The following PACSIN2 variants were observed in gnomAD, a reference collection of about 807,000 sequenced individuals.
The protein encoded by PACSIN2 is protein kinase C and casein kinase substrate in neurons protein 2.
PACSIN2 carries 25 observed loss-of-function variants against 63.8 expected under a neutral mutation model. The ratio of observed to expected loss-of-function variants is 0.39; its 90% CI spans 0.29 to 0.55. The LOEUF is 0.55. Among genes scored for constraint, PACSIN2 ranks in the 20% least tolerant of loss-of-function variants. PACSIN2 has a pLI of 0.62. For synonymous variants in PACSIN2, 255 were observed against 256.2 expected, an observed-to-expected ratio of 1.00 and a Z score of 0.05; for missense variants, 518 against 646.9, an observed-to-expected ratio of 0.80 and a Z score of 2.16.
chr22:42,879,002 C>G (rs1015334099), intron 8 of PACSIN2, 46 bp downstream of exon 8: 1 of 1,590,078 alleles, frequency 6.3e-7, no homozygotes, highest in African/African-American at 1.3e-5. Flanking sequence ...GCCCAGGGCC[C>G]CCACCATGGA....
chr22:42,949,468 G>A (rs866127540), intron 1 of PACSIN2, among the ~76,000 whole-genome samples: 4 of 150,756 alleles, frequency 2.7e-5, no homozygotes, highest in Admixed American at 1.3e-4. Context: ...GCGCGCGCAC[G>A]CACACACACA....
At chr22:42,944,191 G>A (rs1933303912) in intron 1 of PACSIN2, among the ~76,000 whole-genome samples, 2 of 152,142 alleles carry the variant, frequency 1.3e-5, no homozygotes, top group Admixed American at 6.6e-5. Flanking sequence ...TAATCAGCCT[G>A]GCCTGAGGGA....
Position 42,983,059 on chromosome 22 carries a change from G to A in PACSIN2, c.-78+31962C>T, listed in dbSNP as rs552934957. Among the ~76,000 whole-genome samples, 11 of 151,730 alleles carry A rather than the reference G, an allele frequency of 7.2e-5. 1 individual carries two copies. In the South Asian group the frequency reaches 2.1e-3, roughly 29 times the overall value. On this transcript the variant is annotated intron_variant, in intron 1 of 10. Transcript: ENST00000263246. ...AGGCCGGGCACAGTGGCTTACAACT[G>A]TAATTCCAGCACTTTGGGAAGCTGA...
intron 1 of PACSIN2, among the ~76,000 whole-genome samples, chr22:42,979,267 C>A (rs763089240): frequency 1.3e-5 from 2 of 152,064 alleles, no homozygotes; most frequent in Non-Finnish European, 2.9e-5. Flanking sequence ...CTCATGCCTG[C>A]AATCTCAGCA....
intron 1 of PACSIN2, among the ~76,000 whole-genome samples, chr22:42,977,726 G>A (rs1047633349): frequency 2.0e-5 from 3 of 152,070 alleles, no homozygotes; most frequent in African/African-American, 4.8e-5. Flanking sequence ...CTATTCTCAT[G>A]ACAGTAAGTG....
chr22:42,971,331 C>T (rs1921249172), intron 1 of PACSIN2, among the ~76,000 whole-genome samples: 1 of 152,186 alleles, frequency 6.6e-6, no homozygotes, highest in African/African-American at 2.4e-5. Context: ...AAGTGATCTG[C>T]CCGCCTCAGC....
chr22:42,990,387 A>G (rs1234217967), intron 1 of PACSIN2, among the ~76,000 whole-genome samples: 1 of 152,156 alleles, frequency 6.6e-6, no homozygotes, highest in East Asian at 1.9e-4. Context: ...TTCAGAGCTA[A>G]GAACTGCACA....
Position 42,870,038 on chromosome 22 carries a change from C to G in PACSIN2, c.*1319G>C, listed in dbSNP as rs915833778. Reference sequence around the variant, plus strand: ...AACACAGGTTCCCCCACGTTCCCCCCACCCCCGCCGGCCCGCGTGGCCCCC... The same window carrying G: ...AACACAGGTTCCCCCACGTTCCCCCGACCCCCGCCGGCCCGCGTGGCCCCC... On this transcript the variant is annotated 3_prime_UTR_variant, in exon 11 of 11. Coordinates refer to ENST00000263246, the MANE Select transcript of PACSIN2 (RefSeq NM_001184970.3). 1 of 152,146 alleles carries G rather than the reference C, an allele frequency of 6.6e-6. No homozygotes were observed. The highest frequency in any genetic ancestry group is 1.5e-5 in the Non-Finnish European group (1 of 68,038). The allele number at this position is 152,146 out of a possible 1,614,324, so 9.4% of individuals were successfully genotyped here.
intron 1 of PACSIN2, among the ~76,000 whole-genome samples, chr22:43,006,590 G>A (rs759083779): frequency 2.0e-5 from 3 of 152,174 alleles, no homozygotes; most frequent in African/African-American, 2.4e-5. Flanking sequence ...AGAGGCAGGC[G>A]GGCCGTTTGA....
chr22:42,970,640 C>A (rs1268595857), intron 1 of PACSIN2, among the ~76,000 whole-genome samples: 2 of 152,082 alleles, frequency 1.3e-5, no homozygotes, highest in Admixed American at 6.5e-5. Context: ...TTCATTACGT[C>A]CTTTGCAAAA....
intron 2 of PACSIN2, among the ~76,000 whole-genome samples, chr22:42,895,729 G>C (rs1433146056): frequency 6.6e-6 from 1 of 152,378 alleles, no homozygotes; most frequent in East Asian, 1.9e-4. Flanking sequence ...AGAGGCTGCA[G>C]AGGAGCCTGT....
intron 1 of PACSIN2, among the ~76,000 whole-genome samples, chr22:42,912,576 T>C (rs796379583): frequency 6.6e-6 from 1 of 152,180 alleles, no homozygotes; most frequent in Admixed American, 6.5e-5. Context: ...CTTTACTGAC[T>C]CCGCCACTGA....
At chr22:42,919,709 G>A (rs1932041050) in intron 1 of PACSIN2, among the ~76,000 whole-genome samples, 1 of 139,936 alleles carries the variant, frequency 7.1e-6, no homozygotes, top group Non-Finnish European at 1.5e-5. Context: ...GGAAGTGGAG[G>A]TTGTAGTGAG....
At chr22:42,946,486 T>C (rs1232143715) in intron 1 of PACSIN2, among the ~76,000 whole-genome samples, 2 of 152,168 alleles carry the variant, frequency 1.3e-5, no homozygotes. Flanking sequence ...ACCCAGGTGA[T>C]GGAGGTTGCA....
At chr22:42,913,805 C>T (rs1808282942) in intron 1 of PACSIN2, among the ~76,000 whole-genome samples, 1 of 152,160 alleles carries the variant, frequency 6.6e-6, no homozygotes, top group Non-Finnish European at 1.5e-5. Flanking sequence ...GACACCAGCT[C>T]TGCCTGCTTG....
chr22:42,949,467 C>T (rs1016960287), intron 1 of PACSIN2, among the ~76,000 whole-genome samples: 16 of 151,894 alleles, frequency 1.1e-4, no homozygotes, highest in African/African-American at 2.4e-4. Context: ...CGCGCGCGCA[C>T]GCACACACAC....
At chr22:42,876,067 AC>A (rs1928588807) in intron 10 of PACSIN2, 69 bp downstream of exon 10, 3 of 1,396,962 alleles carry the variant, frequency 2.1e-6, no homozygotes, top group Non-Finnish European at 2.9e-6. Context: ...GACTTAAAAA[AC>A]AAAAAAGACC....
chr22:42,968,507 C>G (rs1247637271), intron 1 of PACSIN2, among the ~76,000 whole-genome samples: 1 of 152,166 alleles, frequency 6.6e-6, no homozygotes, highest in Admixed American at 6.5e-5. Context: ...ATTTTCAATA[C>G]TTGGCATGTG....
intron 1 of PACSIN2, among the ~76,000 whole-genome samples, chr22:42,935,875 A>C (rs1932901045): frequency 6.6e-6 from 1 of 152,122 alleles, no homozygotes; most frequent in South Asian, 2.1e-4. Flanking sequence ...CTTACTGGCC[A>C]CGTTACCCAG....
Sources: allele counts gnomAD v4.1 joint callset (sites outside exome capture counted in the v4.1 genomes callset), GRCh38; gene constraint gnomAD v4.1.1; transcripts MANE v1.5; gene names NCBI Gene and HGNC (gene_info 2026-07-23, HGNC 2026-07-21).